The following FHIT variants were observed in gnomAD, a reference collection of about 807,000 sequenced individuals.
FHIT encodes the protein fragile histidine triad diadenosine triphosphatase, also known as bis(5'-adenosyl)-triphosphatase.
FHIT carries 19 observed loss-of-function variants against 17.9 expected under a neutral mutation model. That is an observed-to-expected ratio of 1.06 (90% CI 0.74 to 1.56). FHIT has a LOEUF of 1.56. Ranked by LOEUF, FHIT falls within the 40% of genes most tolerant of loss-of-function variation. The probability of loss-of-function intolerance (pLI) is 0.00; values close to 1 mark genes in which losing one functional copy is unlikely to be tolerated. For missense variants in FHIT, 248 were observed against 189.2 expected (o/e 1.31, Z -1.82); for synonymous variants, 81 against 69.7 (o/e 1.16, Z -0.81).
rs11370343 is a variant in FHIT at position 60,568,978 on chromosome 3, CT to C, written c.-17-32000del. Among the ~76,000 whole-genome samples the C allele has an allele frequency of 5.6e-4, 82 of 146,266 alleles. No homozygotes were observed. The South Asian group carries it at 7.4e-3, about 13-fold the overall frequency. On this transcript the variant is annotated intron_variant, in intron 4 of 9. Coordinates refer to ENST00000492590, the MANE Select transcript of FHIT (RefSeq NM_002012.4). Reference sequence around the variant, plus strand: ...ATGACAATTCATTATGCTAGAGATTCTTTTTTTTTTTTTCCTTTCAAAAATA... The same window carrying C: ...ATGACAATTCATTATGCTAGAGATTCTTTTTTTTTTTTCCTTTCAAAAATA...
At chr3:60,069,289 T>C (rs1455842716) in intron 5 of FHIT, among the ~76,000 whole-genome samples, 1 of 152,238 alleles carries the variant, frequency 6.6e-6, no homozygotes, top group African/African-American at 2.4e-5. Flanking sequence ...AGTGTTTGTG[T>C]ATTAAGTGTA....
chr3:60,132,612 G>A (rs903019052), intron 5 of FHIT, among the ~76,000 whole-genome samples: 3 of 152,052 alleles, frequency 2.0e-5, no homozygotes, highest in Admixed American at 2.0e-4. Flanking sequence ...TTAATAAATG[G>A]GTGAGGATAT....
At chr3:60,478,377 C>T (rs745578362) in intron 5 of FHIT, among the ~76,000 whole-genome samples, 8 of 152,092 alleles carry the variant, frequency 5.3e-5, no homozygotes, top group South Asian at 2.1e-4. Context: ...TCAAGGGAAA[C>T]GGAATCAAGC....
chr3:59,753,604 T>C (rs1002098628), intron 8 of FHIT, among the ~76,000 whole-genome samples: 9 of 152,224 alleles, frequency 5.9e-5, no homozygotes, highest in African/African-American at 2.2e-4. Context: ...TAGTATTTTG[T>C]GTTATGTGTT....
intron 5 of FHIT, among the ~76,000 whole-genome samples, chr3:60,042,073 G>A (rs895714695): frequency 1.4e-4 from 21 of 152,088 alleles, no homozygotes; most frequent in Admixed American, 1.0e-3. Context: ...CTTTTGTGCC[G>A]GCCTACTTAG....
intron 5 of FHIT, among the ~76,000 whole-genome samples, chr3:60,430,803 T>G (rs2107294359): frequency 6.6e-6 from 1 of 152,250 alleles, no homozygotes; most frequent in East Asian, 1.9e-4. Context: ...GATCTCTTTC[T>G]ATTGCTTCCA....
intron 4 of FHIT, among the ~76,000 whole-genome samples, chr3:60,572,557 C>T (rs2037421472): frequency 6.6e-6 from 1 of 152,138 alleles, no homozygotes; most frequent in African/African-American, 2.4e-5. Context: ...CAGACACACA[C>T]ACACTCTATC....
intron 4 of FHIT, among the ~76,000 whole-genome samples, chr3:60,570,168 C>A (rs1428257695): frequency 6.6e-6 from 1 of 152,020 alleles, no homozygotes; most frequent in Non-Finnish European, 1.5e-5. Context: ...CCATGCTGCA[C>A]TGGAATCACT....
At chr3:60,363,002 T>G (rs879115344) in intron 5 of FHIT, among the ~76,000 whole-genome samples, 1 of 152,122 alleles carries the variant, frequency 6.6e-6, no homozygotes, top group African/African-American at 2.4e-5. Flanking sequence ...AATCTAGCAA[T>G]TGAAAAGGAA....
chr3:59,918,247 A>G (rs1294116759), intron 8 of FHIT, among the ~76,000 whole-genome samples: 2 of 152,196 alleles, frequency 1.3e-5, no homozygotes, highest in Non-Finnish European at 2.9e-5. Flanking sequence ...ATTCATTTTC[A>G]AATATTCACT....
chr3:60,463,134 G>T lies in FHIT; in HGVS notation c.103+73726C>A, dbSNP rs964360327. On this transcript the variant is annotated intron_variant, in intron 5 of 9. Transcript: ENST00000492590. ...TCTCTTCAAAATCTTTTCTTCATTT[G>T]TAGGTGGCAGAAGGCAACAGATATA... Among the ~76,000 whole-genome samples, 132 of 152,176 alleles carry T rather than the reference G, an allele frequency of 8.7e-4. 4 individuals are homozygous for T. Among genetic ancestry groups the T allele is most frequent in the Non-Finnish European group, 1.5e-4 (10 of 68,040 alleles).
chr3:61,061,396 A>AT (rs1553819106), intron 2 of FHIT, among the ~76,000 whole-genome samples: 3 of 151,858 alleles, frequency 2.0e-5, no homozygotes, highest in Non-Finnish European at 4.4e-5. Context: ...TCACTTTTTA[A>AT]ATATATATAT....
At chr3:60,566,663 C>A (rs2107653497) in intron 4 of FHIT, among the ~76,000 whole-genome samples, 1 of 152,216 alleles carries the variant, frequency 6.6e-6, no homozygotes, top group Admixed American at 6.5e-5. Context: ...AAGAGGAAGT[C>A]AAATTGTCCC....
chr3:59,792,265 G>A (rs1699596334), intron 8 of FHIT, among the ~76,000 whole-genome samples: 1 of 152,184 alleles, frequency 6.6e-6, no homozygotes. Context: ...GCCTCTCAAA[G>A]TCTACCTAGA....
At position 60,161,347 on chromosome 3, in the gene FHIT, C is replaced by A. The variant is rs569169002; in HGVS notation, c.104-147195G>T. On this transcript the variant is annotated intron_variant, in intron 5 of 9. Coordinates refer to ENST00000492590, the MANE Select transcript of FHIT (RefSeq NM_002012.4). ...GTCTGCCTGCCTGCCATAGTCATGGCCAATCCTGAATAAATGTTTAATTTC... is the reference window on the plus strand; with the variant it reads ...GTCTGCCTGCCTGCCATAGTCATGGACAATCCTGAATAAATGTTTAATTTC... 6.6e-5 allele frequency among the ~76,000 whole-genome samples: 10 copies of A among 152,294 alleles called. No homozygotes were observed. In the East Asian group the frequency reaches 1.9e-3, roughly 29 times the overall value.
intron 5 of FHIT, among the ~76,000 whole-genome samples, chr3:60,474,892 G>C (rs1197674992): frequency 6.6e-6 from 1 of 152,020 alleles, no homozygotes; most frequent in Non-Finnish European, 1.5e-5. Flanking sequence ...CAGAGTGCTG[G>C]GATTACAGGC....
intron 4 of FHIT, among the ~76,000 whole-genome samples, chr3:60,559,701 T>C (rs1225119310): frequency 6.6e-6 from 1 of 152,118 alleles, no homozygotes; most frequent in Non-Finnish European, 1.5e-5. Flanking sequence ...AAAGCATATG[T>C]ATCTCTGGGC....
At chr3:60,498,238 T>C (rs1272051604) in intron 5 of FHIT, among the ~76,000 whole-genome samples, 2 of 152,218 alleles carry the variant, frequency 1.3e-5, no homozygotes, top group East Asian at 3.8e-4. Context: ...TAAAGTTTTA[T>C]GTATGTTTTA....
intron 4 of FHIT, among the ~76,000 whole-genome samples, chr3:60,794,886 T>C (rs1183634141): frequency 1.3e-5 from 2 of 152,226 alleles, no homozygotes; most frequent in Non-Finnish European, 2.9e-5. Flanking sequence ...ATTCTTTGAC[T>C]ATGTAATACA....
Sources: gnomAD v4.1 joint callset for allele counts (sites outside exome capture counted in the v4.1 genomes callset) on GRCh38, gnomAD v4.1.1 for gene constraint, MANE v1.5 for transcripts, NCBI Gene and HGNC (gene_info 2026-07-23, HGNC 2026-07-21) for gene names.